The following CADM2 variants were observed in gnomAD, a reference collection of about 807,000 sequenced individuals.
CADM2 encodes cell adhesion molecule 2.
CADM2 carries 12 observed loss-of-function variants against 49.8 expected under a neutral mutation model. The observed-to-expected ratio is 0.24, with a 90% CI of 0.15 to 0.39. CADM2 has a LOEUF of 0.39. CADM2 is among the 10% of genes least tolerant of loss of function. The pLI is 1.00. For missense variants in CADM2, 378 were observed against 492.3 expected (o/e 0.77, Z 2.20); for synonymous variants, 214 against 175.4 (o/e 1.22, Z -1.74).
chr3:86,026,339 A>ATT (rs142941680), intron 8 of CADM2, among the ~76,000 whole-genome samples: 8 of 146,630 alleles, frequency 5.5e-5, no homozygotes, highest in South Asian at 2.2e-4. Flanking sequence ...CAACTATGCC[A>ATT]TTTTTTTTTT....
intron 1 of CADM2, among the ~76,000 whole-genome samples, chr3:85,014,253 A>G (rs944519753): frequency 1.3e-5 from 2 of 150,620 alleles, no homozygotes; most frequent in African/African-American, 2.4e-5. Context: ...TGTATATTAT[A>G]TATACGCAGT....
chr3:85,841,908 A>G (rs2074655491), intron 3 of CADM2, among the ~76,000 whole-genome samples: 1 of 151,948 alleles, frequency 6.6e-6, no homozygotes, highest in South Asian at 2.1e-4. Context: ...CCCTTATAAT[A>G]TTATTAAAAA....
intron 1 of CADM2, among the ~76,000 whole-genome samples, chr3:85,097,872 G>A (rs1449441770): frequency 1.3e-5 from 2 of 152,094 alleles, no homozygotes; most frequent in African/African-American, 4.8e-5. Flanking sequence ...GTAGTCCTCA[G>A]TTTTACTTTC....
intron 1 of CADM2, among the ~76,000 whole-genome samples, chr3:85,714,274 T>A (rs770193716): frequency 1.3e-5 from 2 of 152,222 alleles, no homozygotes; most frequent in Non-Finnish European, 2.9e-5. Context: ...TTATGTTTGC[T>A]CAATGACTAC....
chr3:85,966,995 T>C (rs1267570336), intron 8 of CADM2, among the ~76,000 whole-genome samples: 2 of 151,752 alleles, frequency 1.3e-5, no homozygotes, highest in African/African-American at 4.8e-5. Context: ...TTTGATCTAC[T>C]AAAAGGTATT....
At chr3:85,863,317 C>A (rs1459172693) in intron 3 of CADM2, among the ~76,000 whole-genome samples, 1 of 152,040 alleles carries the variant, frequency 6.6e-6, no homozygotes, top group Non-Finnish European at 1.5e-5. Context: ...ATTTAATTGC[C>A]AATGTCATTG....
At chr3:85,335,442 CACTT>C (rs2045053976) in intron 1 of CADM2, among the ~76,000 whole-genome samples, 1 of 151,426 alleles carries the variant, frequency 6.6e-6, no homozygotes, top group Non-Finnish European at 1.5e-5. Context: ...GTTTAATTGA[CACTT>C]AATAATTGTA....
At chr3:85,217,052 AC>A (rs2041943753) in intron 1 of CADM2, among the ~76,000 whole-genome samples, 1 of 151,958 alleles carries the variant, frequency 6.6e-6, no homozygotes, top group Non-Finnish European at 1.5e-5. Flanking sequence ...TCACTAATGA[AC>A]TGGGGGTAAA....
intron 1 of CADM2, among the ~76,000 whole-genome samples, chr3:85,599,392 A>G (rs1366146424): frequency 1.3e-5 from 2 of 151,964 alleles, no homozygotes; most frequent in African/African-American, 4.8e-5. Context: ...GTCTGGTACT[A>G]TCCTATCATT....
intron 1 of CADM2, among the ~76,000 whole-genome samples, chr3:85,186,624 G>C (rs2041071198): frequency 1.3e-5 from 2 of 151,768 alleles, no homozygotes; most frequent in Non-Finnish European, 2.9e-5. Context: ...TCTTTTGAGA[G>C]CTGTAGTCTG....
At chr3:85,026,016 T>G (rs1382055797) in intron 1 of CADM2, among the ~76,000 whole-genome samples, 2 of 152,274 alleles carry the variant, frequency 1.3e-5, no homozygotes, top group East Asian at 3.9e-4. Flanking sequence ...AGGTGGGTGC[T>G]CAAGGGCTTT....
intron 1 of CADM2, among the ~76,000 whole-genome samples, chr3:85,345,338 A>G (rs555988213): frequency 9.0e-4 from 136 of 150,724 alleles, no homozygotes; most frequent in Middle Eastern, 3.4e-3. Flanking sequence ...AAAAAAAGAA[A>G]GAAAGAAAAT....
chr3:85,267,909 C>T (rs1044700032), intron 1 of CADM2, among the ~76,000 whole-genome samples: 3 of 151,534 alleles, frequency 2.0e-5, no homozygotes, highest in African/African-American at 7.3e-5. Flanking sequence ...TCATTACATT[C>T]GTTCATTTGT....
rs770540994 is a variant in CADM2, at chr3:85,883,354, G to A, written c.302G>A (p.Ser101Asn). Reference sequence around the variant, plus strand: ...TGGCATGAATTGAGTATTAGTGTCAGTGATGTGTCTCTCTCTGATGAAGGA... The same window carrying A: ...TGGCATGAATTGAGTATTAGTGTCAATGATGTGTCTCTCTCTGATGAAGGA... ...ASWHELSISV[S>N]DVSLSDEGQY... Residue 101 changes from serine to asparagine, a missense_variant, in exon 4 of 10, where the codon AGT (serine) becomes AAT (asparagine). Coordinates refer to ENST00000383699, the MANE Select transcript of CADM2 (RefSeq NM_001167675.2). The A allele has an allele frequency of 3.1e-6, 5 of 1,613,816 alleles. No homozygotes were observed. The African/African-American group carries it at 4.0e-5, about 13-fold the overall frequency.
At chr3:85,442,460 T>C (rs2037248253) in intron 1 of CADM2, among the ~76,000 whole-genome samples, 1 of 104,550 alleles carries the variant, frequency 9.6e-6, no homozygotes, top group Non-Finnish European at 2.2e-5. Flanking sequence ...TGTACATTTA[T>C]TACAAAGAAA....
intron 2 of CADM2, among the ~76,000 whole-genome samples, chr3:85,733,855 T>G (rs2107802913): frequency 6.6e-6 from 1 of 152,300 alleles, no homozygotes; most frequent in African/African-American, 2.4e-5. Flanking sequence ...CATGTCATTC[T>G]ATTATGCTAA....
intron 1 of CADM2, among the ~76,000 whole-genome samples, chr3:85,066,357 G>A (rs1262501587): frequency 2.7e-5 from 4 of 149,588 alleles, no homozygotes; most frequent in African/African-American, 1.0e-4. Context: ...CCCCAACTAG[G>A]GGTAAAATGC....
intron 1 of CADM2, among the ~76,000 whole-genome samples, chr3:85,183,335 A>C (rs1420960541): frequency 6.6e-6 from 1 of 152,160 alleles, no homozygotes; most frequent in Non-Finnish European, 1.5e-5. Flanking sequence ...TTTGCAATAC[A>C]TTCTGTTGTT....
intron 8 of CADM2, among the ~76,000 whole-genome samples, chr3:85,986,667 C>G (rs1463508806): frequency 6.6e-6 from 1 of 151,950 alleles, no homozygotes; most frequent in Non-Finnish European, 1.5e-5. Flanking sequence ...TTTCACTAGT[C>G]TTTTAAAAAA....
Sources: gnomAD v4.1 joint callset for allele counts (sites outside exome capture counted in the v4.1 genomes callset) on GRCh38, gnomAD v4.1.1 for gene constraint, MANE v1.5 for transcripts, NCBI Gene and HGNC (gene_info 2026-07-23, HGNC 2026-07-21) for gene names.